The following CDKL5 variants were observed in gnomAD, a reference collection of about 807,000 sequenced individuals.
CDKL5 encodes the protein cyclin-dependent kinase-like 5.
A neutral mutation model predicts 61.7 loss-of-function variants in CDKL5; 8 were observed. The observed-to-expected ratio is 0.13, with a 90% CI of 0.08 to 0.23. The LOEUF (loss-of-function observed/expected upper bound fraction) is 0.23, where lower values mean the gene tolerates loss of function less well. CDKL5 is among the 10% of genes least tolerant of loss of function. CDKL5 has a pLI of 1.00. For missense variants in CDKL5, 440 were observed against 734.5 expected (o/e 0.60, Z 4.63); for synonymous variants, 275 against 272.3 (o/e 1.01, Z -0.10).
At chrX:18,539,435 G>T (rs1923947992) in intron 3 of CDKL5, among the ~76,000 whole-genome samples, 1 of 111,916 alleles carries the variant, frequency 8.9e-6, no homozygotes, top group South Asian at 3.6e-4. Context: ...TATGAAATTA[G>T]AATTTCCTTT....
At chrX:18,557,927 G>C (rs908170567) in intron 3 of CDKL5, among the ~76,000 whole-genome samples, 9 of 111,563 alleles carry the variant, frequency 8.1e-5, no homozygotes, top group Non-Finnish European at 1.1e-4. Flanking sequence ...AGGCTCTCCA[G>C]ATATTTGTAT....
chrX:18,609,824 G>T (rs1926488814), intron 14 of CDKL5, among the ~76,000 whole-genome samples: 1 of 111,453 alleles, frequency 9.0e-6, no homozygotes, highest in Admixed American at 9.5e-5. Context: ...TTCTGAAGCT[G>T]TGTTCTGACC....
intron 1 of CDKL5, among the ~76,000 whole-genome samples, chrX:18,479,442 C>T (rs1418148942): frequency 9.4e-6 from 1 of 106,536 alleles, no homozygotes; most frequent in Non-Finnish European, 1.9e-5. Flanking sequence ...GCGTCAGCCT[C>T]CCTAGTAGTT....
At chrX:18,536,442 T>G (rs1460344100) in intron 3 of CDKL5, among the ~76,000 whole-genome samples, 1 of 68,758 alleles carries the variant, frequency 1.5e-5, no homozygotes, top group African/African-American at 5.6e-5. Context: ...GTTTTTTTTT[T>G]TTTTTTTTTT....
chrX:18,630,998 T>TC lies in CDKL5; in HGVS notation c.*2242dup. On this transcript the variant is annotated 3_prime_UTR_variant, in exon 18 of 18. Transcript: ENST00000623535. Reference sequence around the variant, plus strand: ...TGCAAACCAGAAACTACACTTTTTTTCTCTGGAAAGACTTCTCACTGTGCT... The same window carrying TC: ...TGCAAACCAGAAACTACACTTTTTTTCCTCTGGAAAGACTTCTCACTGTGCT... The TC allele has an allele frequency of 1.3e-6, 1 of 750,542 alleles. No homozygotes were observed. The highest frequency in any genetic ancestry group is 1.6e-6 in the Non-Finnish European group (1 of 638,562). The allele number at this position is 750,542 out of a possible 1,213,427, so 61.9% of individuals were successfully genotyped here. A position where few individuals can be genotyped will look rare whatever the true frequency, so the allele number is the denominator to read the frequency against.
chrX:18,511,312 C>T (rs1922817844), intron 3 of CDKL5, among the ~76,000 whole-genome samples: 1 of 110,536 alleles, frequency 9.0e-6, no homozygotes, highest in South Asian at 3.9e-4. Flanking sequence ...TATGTGAATG[C>T]TGCCAGAAAG....
chrX:18,650,486 C>T, exon 21 of CDKL5: 2 of 1,212,135 alleles, frequency 1.6e-6, no homozygotes, highest in Non-Finnish European at 2.2e-6. Flanking sequence ...ATCGTCCAAT[C>T]TCCAGTCCTG....
chrX:18,643,862 T>A (rs1439757909), downstream of CDKL5, among the ~76,000 whole-genome samples: 1 of 110,560 alleles, frequency 9.0e-6, no homozygotes, highest in Admixed American at 9.6e-5. Context: ...AGGAGTCTAC[T>A]GCGTTTAGTC....
chrX:18,605,254 A>G (rs1243670746), intron 12 of CDKL5, among the ~76,000 whole-genome samples: 1 of 111,793 alleles, frequency 8.9e-6, no homozygotes, highest in African/African-American at 3.2e-5. Flanking sequence ...TGATCTCTCC[A>G]AACCACATTT....
Position 18,629,074 on chromosome X carries a change from A to G in CDKL5, c.*317A>G. The G allele has an allele frequency of 4.8e-6, 4 of 835,058 alleles. No individual in the cohort carries two copies. Among genetic ancestry groups the G allele is most frequent in the Non-Finnish European group, 5.8e-6 (4 of 691,243 alleles). 68.8% of individuals were successfully genotyped at this position (835,058 alleles called of 1,213,427 possible). A position where few individuals can be genotyped will look rare whatever the true frequency, so the allele number is the denominator to read the frequency against. On this transcript the variant is annotated 3_prime_UTR_variant, in exon 18 of 18. Coordinates refer to ENST00000623535, the MANE Select transcript of CDKL5 (RefSeq NM_001323289.2). ...CCCTTTACATTCCAGCTTTAGTGCA[A>G]TCTCTGTTGAACTTGGGAATGCCAG...
chrX:18,555,944 A>G (rs1199745985), intron 3 of CDKL5, among the ~76,000 whole-genome samples: 2 of 112,208 alleles, frequency 1.8e-5, no homozygotes, highest in African/African-American at 6.5e-5. Flanking sequence ...TTGACAAGCT[A>G]TGGTAGTTTT....
intron 1 of CDKL5, among the ~76,000 whole-genome samples, chrX:18,496,688 AAC>A (rs1268934969): frequency 6.2e-5 from 7 of 112,049 alleles, no homozygotes; most frequent in African/African-American, 2.3e-4. Context: ...GTGATGCTAT[AAC>A]ACAGTCAGAT....
chrX:18,509,197 G>GCACGCACACACACACACACACA, intron 2 of CDKL5, among the ~76,000 whole-genome samples: 1 of 64,308 alleles, frequency 1.6e-5, no homozygotes. Flanking sequence ...CTCAAAACAC[G>GCACGCACACACACACACACACA]CACACACACA....
chrX:18,625,128 G>A lies in CDKL5; in HGVS notation c.2377G>A (p.Val793Ile), dbSNP rs754699773. The A allele has an allele frequency of 1.7e-6, 2 of 1,205,049 alleles. No homozygotes were observed. The highest frequency in any genetic ancestry group is 3.5e-5 in the African/African-American group (2 of 56,435). Reference sequence around the variant, plus strand: ...AATGCTTGTCCATATTTTGCTCTAGGTACCCAATTCCGACAGCCCTGATCT... The same window carrying A: ...AATGCTTGTCCATATTTTGCTCTAGATACCCAATTCCGACAGCCCTGATCT... ...MKKKKKKSQT[V>I]PNSDSPDLLT... The change falls in exon 17 of 18, where the codon GTA (valine) becomes ATA (isoleucine). Residue 793 changes from valine to isoleucine, a missense_variant and splice_region_variant. Physicochemically the swap from Val to Ile is conservative, Grantham distance 29 (BLOSUM62 3). This residue lies in a region of CDKL5 where 363 missense variants were observed against 516.3 expected (regional missense o/e 0.70). Coordinates refer to ENST00000623535, the MANE Select transcript of CDKL5 (RefSeq NM_001323289.2).
chrX:18,510,231 T>G (rs992201197), intron 2 of CDKL5, among the ~76,000 whole-genome samples: 6 of 111,508 alleles, frequency 5.4e-5, no homozygotes, highest in Admixed American at 1.9e-4. Flanking sequence ...TCTGGACTAC[T>G]GCAACCTCTG....
rs188868469 is a variant in CDKL5, at chrX:18,462,799, G to A, written c.-163+37104G>A. 2.6e-4 allele frequency among the ~76,000 whole-genome samples: 29 copies of A among 111,424 alleles called. 1 individual carries two copies. Among genetic ancestry groups the A allele is most frequent in the Admixed American group, 1.1e-3 (11 of 10,440 alleles). On this transcript the variant is annotated intron_variant, in intron 1 of 17. Coordinates refer to ENST00000623535, the MANE Select transcript of CDKL5 (RefSeq NM_001323289.2). ...AGCATTTTGGGAGGCCTAGGTGGGC[G>A]GATCACTTGAGGTCAGGAGTTCGTG...
downstream of CDKL5, chrX:18,641,705 A>C (rs1927580023): frequency 6.0e-6 from 2 of 332,535 alleles, no homozygotes; most frequent in Admixed American, 9.5e-5. Flanking sequence ...TCACAGTATC[A>C]CTGAGACAAA....
intron 1 of CDKL5, among the ~76,000 whole-genome samples, chrX:18,500,496 A>C (rs967885905): frequency 2.7e-5 from 3 of 111,808 alleles, no homozygotes; most frequent in African/African-American, 3.2e-5. Flanking sequence ...GGTTTGGATT[A>C]TCTCTCTGGA....
intron 1 of CDKL5, among the ~76,000 whole-genome samples, chrX:18,483,268 A>G (rs2147074873): frequency 9.0e-6 from 1 of 111,730 alleles, no homozygotes; most frequent in Non-Finnish European, 1.9e-5. Flanking sequence ...ATGAATGAGA[A>G]AATAGGCTTG....
Sources: allele counts gnomAD v4.1 joint callset (sites outside exome capture counted in the v4.1 genomes callset), GRCh38; gene constraint gnomAD v4.1.1; regional missense constraint gnomAD v4.1.1; transcripts MANE v1.5; gene names NCBI Gene and HGNC (gene_info 2026-07-23, HGNC 2026-07-21).